FHIT: variants seen among roughly 807,000 people sequenced by gnomAD.
FHIT encodes bis(5'-adenosyl)-triphosphatase.
In FHIT, 19 loss-of-function variants were observed where a neutral mutation model predicts 17.9. The ratio of observed to expected loss-of-function variants is 1.06; its 90% CI spans 0.74 to 1.56. The LOEUF is 1.56. Among genes scored for constraint, FHIT ranks in the 40% most tolerant of loss-of-function variants. The pLI is 0.00. For missense variants in FHIT, 248 were observed against 189.2 expected, an observed-to-expected ratio of 1.31 and a Z score of -1.82; for synonymous variants, 81 against 69.7, an observed-to-expected ratio of 1.16 and a Z score of -0.81.
chr3:60,928,542 C>G (rs1487445863), intron 3 of FHIT, among the ~76,000 whole-genome samples: 31 of 69,014 alleles, frequency 4.5e-4, no homozygotes, highest in Non-Finnish European at 8.8e-4. Context: ...GATGGAGACT[C>G]TGTCTCTAAA....
At chr3:61,090,555 G>A (rs2035449477) in intron 2 of FHIT, among the ~76,000 whole-genome samples, 1 of 152,170 alleles carries the variant, frequency 6.6e-6, no homozygotes, top group African/African-American at 2.4e-5. Flanking sequence ...GAGTCAATGG[G>A]CCAAATTCCA....
At chr3:60,170,678 C>A (rs189107914) in intron 5 of FHIT, among the ~76,000 whole-genome samples, 1 of 152,164 alleles carries the variant, frequency 6.6e-6, no homozygotes, top group Non-Finnish European at 1.5e-5. Context: ...GCAGGTTTCT[C>A]CTTTCTGTCT....
At chr3:59,795,228 A>T (rs184994588) in intron 8 of FHIT, among the ~76,000 whole-genome samples, 22 of 152,252 alleles carry the variant, frequency 1.4e-4, no homozygotes, top group Admixed American at 1.4e-3. Context: ...TCTATTAAAA[A>T]TATAAAAATT....
At chr3:60,326,866 G>C (rs1481233293) in intron 5 of FHIT, among the ~76,000 whole-genome samples, 2 of 152,138 alleles carry the variant, frequency 1.3e-5, no homozygotes, top group Non-Finnish European at 2.9e-5. Flanking sequence ...ATTTCACAAG[G>C]TTATGTTTTC....
At chr3:60,489,002 A>G (rs1387472203) in intron 5 of FHIT, among the ~76,000 whole-genome samples, 3 of 152,202 alleles carry the variant, frequency 2.0e-5, no homozygotes, top group Non-Finnish European at 4.4e-5. Context: ...GATTTCCATC[A>G]TGGGTCAAGG....
intron 5 of FHIT, among the ~76,000 whole-genome samples, chr3:60,259,899 G>A (rs1352430531): frequency 6.6e-6 from 1 of 151,950 alleles, no homozygotes; most frequent in African/African-American, 2.4e-5. Context: ...CCTGGCAATG[G>A]GATGACAAGG....
At chr3:60,206,606 T>C (rs1703204554) in intron 5 of FHIT, among the ~76,000 whole-genome samples, 1 of 152,226 alleles carries the variant, frequency 6.6e-6, no homozygotes, top group African/African-American at 2.4e-5. Flanking sequence ...AAAACGAATT[T>C]ATCAATCACG....
intron 7 of FHIT, among the ~76,000 whole-genome samples, chr3:59,995,045 A>C (rs1041190652): frequency 6.6e-6 from 1 of 152,000 alleles, no homozygotes; most frequent in African/African-American, 2.4e-5. Context: ...TCGATCTCCA[A>C]CTTAGCTAGG....
chr3:60,713,963 T>G (rs1224073704), intron 4 of FHIT, among the ~76,000 whole-genome samples: 3 of 151,528 alleles, frequency 2.0e-5, no homozygotes, highest in Non-Finnish European at 2.9e-5. Context: ...TACCAAAGCC[T>G]GGCAGAGACA....
rs1390359450 is a variant in FHIT, at chr3:60,642,721, T to C, written c.-17-105742A>G. On this transcript the variant is annotated intron_variant, in intron 4 of 9. Transcript: ENST00000492590. Reference sequence around the variant, plus strand: ...ATCAGATGGGAGAGGAGTATCCTCTTCCCCCCACCTCCCCCGCTCCAGGGG... The same window carrying C: ...ATCAGATGGGAGAGGAGTATCCTCTCCCCCCCACCTCCCCCGCTCCAGGGG... Among the ~76,000 whole-genome samples the C allele has an allele frequency of 2.0e-5, 3 of 152,060 alleles. No homozygotes were observed. In the East Asian group the frequency reaches 5.8e-4, roughly 30 times the overall value.
chr3:60,618,487 C>T (rs782005580), intron 4 of FHIT, among the ~76,000 whole-genome samples: 4 of 152,094 alleles, frequency 2.6e-5, no homozygotes, highest in Non-Finnish European at 5.9e-5. Context: ...CATGTGTTGA[C>T]GTGTGCTCAT....
chr3:61,085,218 G>A (rs1270143666), intron 2 of FHIT, among the ~76,000 whole-genome samples: 1 of 152,074 alleles, frequency 6.6e-6, no homozygotes, highest in Non-Finnish European at 1.5e-5. Flanking sequence ...TTCAAAAAGT[G>A]CCAAATTGTT....
chr3:61,054,172 G>A (rs966456350), intron 2 of FHIT, among the ~76,000 whole-genome samples: 6 of 152,086 alleles, frequency 3.9e-5, no homozygotes, highest in African/African-American at 1.4e-4. Context: ...ATCCCAACAG[G>A]AAAAACACTT....
chr3:60,082,122 C>T (rs1703312782), intron 5 of FHIT, among the ~76,000 whole-genome samples: 1 of 150,404 alleles, frequency 6.6e-6, no homozygotes, highest in Non-Finnish European at 1.5e-5. Context: ...TTGACCCCCT[C>T]CTTCCCTCCC....
intron 5 of FHIT, among the ~76,000 whole-genome samples, chr3:60,443,282 TG>T (rs1553773374): frequency 6.6e-6 from 1 of 152,212 alleles, no homozygotes. Context: ...TCCTGCTGAT[TG>T]CCCTGGCCAG....
intron 2 of FHIT, among the ~76,000 whole-genome samples, chr3:61,099,535 A>G (rs1341958302): frequency 1.3e-5 from 2 of 152,070 alleles, no homozygotes; most frequent in Non-Finnish European, 2.9e-5. Context: ...CTGTGAATCC[A>G]TCTGGTCCTG....
chr3:60,310,293 C>A (rs1262451219), intron 5 of FHIT, among the ~76,000 whole-genome samples: 1 of 152,036 alleles, frequency 6.6e-6, no homozygotes, highest in Non-Finnish European at 1.5e-5. Flanking sequence ...TCAAGGGATG[C>A]TAGGTGTTCT....
intron 2 of FHIT, among the ~76,000 whole-genome samples, chr3:61,165,298 T>C (rs1262822714): frequency 6.6e-6 from 1 of 152,082 alleles, no homozygotes; most frequent in East Asian, 1.9e-4. Flanking sequence ...CTCACCAACA[T>C]GTGTTGTTTT....
chr3:61,210,304 G>A (rs186288830), intron 1 of FHIT, among the ~76,000 whole-genome samples: 2 of 152,344 alleles, frequency 1.3e-5, no homozygotes, highest in Admixed American at 1.3e-4. Context: ...CAAGCTGCGT[G>A]CTGGGAGAAC....
Sources: allele counts gnomAD v4.1 joint callset (sites outside exome capture counted in the v4.1 genomes callset), GRCh38; gene constraint gnomAD v4.1.1; transcripts MANE v1.5; gene names NCBI Gene and HGNC (gene_info 2026-07-23, HGNC 2026-07-21).